The following PLEKHA5 variants were observed in gnomAD, a reference collection of about 807,000 sequenced individuals.
The protein encoded by PLEKHA5 is pleckstrin homology domain-containing family A member 5.
In PLEKHA5, 55 loss-of-function variants were observed where a neutral mutation model predicts 181.9. The observed-to-expected ratio is 0.30, with a 90% CI of 0.24 to 0.38. The LOEUF (loss-of-function observed/expected upper bound fraction) is 0.38, where lower values mean the gene tolerates loss of function less well. Among genes scored for constraint, PLEKHA5 ranks in the 10% least tolerant of loss-of-function variants. PLEKHA5 has a pLI of 1.00. For synonymous variants in PLEKHA5, 535 were observed against 529.4 expected (o/e 1.01, Z -0.15); for missense variants, 1,432 against 1,549.5 (o/e 0.92, Z 1.27).
intron 3 of PLEKHA5, among the ~76,000 whole-genome samples, chr12:19,252,454 T>C (rs937368578): frequency 6.6e-6 from 1 of 152,194 alleles, no homozygotes; most frequent in Non-Finnish European, 1.5e-5. Flanking sequence ...AATATATCAA[T>C]GTATATTGCA....
chr12:19,284,211 G>A (rs1188124003), intron 12 of PLEKHA5, among the ~76,000 whole-genome samples: 1 of 152,076 alleles, frequency 6.6e-6, no homozygotes, highest in Non-Finnish European at 1.5e-5. Flanking sequence ...TGGGATTACA[G>A]ACATGCGCCA....
chr12:19,292,595 C>T (rs184420649), intron 15 of PLEKHA5, among the ~76,000 whole-genome samples: 6 of 152,148 alleles, frequency 3.9e-5, no homozygotes, highest in Admixed American at 1.3e-4. Flanking sequence ...CCTAGCATTA[C>T]CTCAGTGGTG....
intron 3 of PLEKHA5, among the ~76,000 whole-genome samples, chr12:19,226,759 A>G (rs10841188): frequency 0.55 from 83,613 of 152,058 alleles, 26,985 homozygotes; most frequent in Non-Finnish European, 0.74. Context: ...TCATCTGAAC[A>G]TACTTTTTAA....
chr12:19,338,393 G>A (rs1469789265), intron 21 of PLEKHA5, among the ~76,000 whole-genome samples: 4 of 151,986 alleles, frequency 2.6e-5, no homozygotes, highest in African/African-American at 9.7e-5. Flanking sequence ...GCCGTGGTGG[G>A]AGGATCACTT....
chr12:19,280,514 T>C (rs1307377278), intron 11 of PLEKHA5, among the ~76,000 whole-genome samples: 1 of 152,124 alleles, frequency 6.6e-6, no homozygotes, highest in Non-Finnish European at 1.5e-5. Flanking sequence ...TAATTACCAA[T>C]ATCTCTGACA....
At chr12:19,253,064 C>CTTTTTTTTTTTTTTTTTTTG (rs2065796229) in intron 3 of PLEKHA5, among the ~76,000 whole-genome samples, 1 of 45,834 alleles carries the variant, frequency 2.2e-5, no homozygotes, top group Non-Finnish European at 4.6e-5. Context: ...ATCAACTTAC[C>CTTTTTTTTTTTTTTTTTTTG]TTTTTTTTTT....
chr12:19,205,289 C>A, intron 3 of PLEKHA5: 2 of 631,940 alleles, frequency 3.2e-6, no homozygotes, highest in Non-Finnish European at 3.9e-6. Flanking sequence ...TTGGAGACTG[C>A]GGTGTGGTTC....
intron 22 of PLEKHA5, among the ~76,000 whole-genome samples, chr12:19,344,780 A>C (rs2094194230): frequency 6.6e-6 from 1 of 152,096 alleles, no homozygotes; most frequent in African/African-American, 2.4e-5. Flanking sequence ...TGAAAACAAT[A>C]AGTGAATGAT....
At chr12:19,216,612 C>T (rs1430892392) in intron 3 of PLEKHA5, among the ~76,000 whole-genome samples, 1 of 149,896 alleles carries the variant, frequency 6.7e-6, no homozygotes, top group East Asian at 2.0e-4. Context: ...GCAGTGAGCC[C>T]AGATCACACC....
At chr12:19,367,319 G>T (rs1403936525) in intron 30 of PLEKHA5, among the ~76,000 whole-genome samples, 2 of 119,468 alleles carry the variant, frequency 1.7e-5, no homozygotes, top group Admixed American at 1.2e-4. Flanking sequence ...GATGTGGCGT[G>T]ATCTCAGCTC....
chr12:19,277,340 C>CA (rs1555142707), intron 11 of PLEKHA5, among the ~76,000 whole-genome samples: 3 of 152,238 alleles, frequency 2.0e-5, no homozygotes, highest in African/African-American at 7.2e-5. Flanking sequence ...AGAGAGTCAA[C>CA]AGATATCTGG....
At chr12:19,203,131 T>G (rs2054575147) in intron 3 of PLEKHA5, among the ~76,000 whole-genome samples, 2 of 152,066 alleles carry the variant, frequency 1.3e-5, no homozygotes, top group Admixed American at 1.3e-4. Context: ...TCAGAACACT[T>G]AAGTTGGATG....
chr12:19,188,242 C>A (rs1253172045), intron 3 of PLEKHA5, among the ~76,000 whole-genome samples: 1 of 152,162 alleles, frequency 6.6e-6, no homozygotes, highest in Non-Finnish European at 1.5e-5. Context: ...ACATTAAGGA[C>A]ATAAGGACTT....
intron 3 of PLEKHA5, chr12:19,150,812 T>G (rs1212855494): frequency 6.6e-6 from 1 of 152,238 alleles, no homozygotes; most frequent in Non-Finnish European, 1.5e-5. Context: ...AAAGGGTTTT[T>G]CTAGATTAAT....
chr12:19,182,416 GGTGTT>G (rs1289863110), intron 3 of PLEKHA5, among the ~76,000 whole-genome samples: 1 of 152,140 alleles, frequency 6.6e-6, no homozygotes, highest in Non-Finnish European at 1.5e-5. Flanking sequence ...TTCTTGCAAA[GGTGTT>G]GTATATGGGA....
intron 15 of PLEKHA5, chr12:19,307,630 G>A (rs1281633791): frequency 3.1e-6 from 1 of 326,500 alleles, no homozygotes. Context: ...AGCAGATCAA[G>A]AGAGTGATTA....
At chr12:19,372,696 A>G (rs1475287368) in intron 31 of PLEKHA5, 2 of 151,966 alleles carry the variant, frequency 1.3e-5, no homozygotes, top group African/African-American at 4.8e-5. Context: ...GAGAGTTACA[A>G]ATAACCTAAC....
chr12:19,166,468 C>T (rs142973304), intron 3 of PLEKHA5, among the ~76,000 whole-genome samples: 42 of 152,098 alleles, frequency 2.8e-4, no homozygotes, highest in African/African-American at 9.6e-4. Flanking sequence ...TTTTTGCGCC[C>T]GTACTCATCT....
chr12:19,358,651 G>T (rs1051121101), intron 27 of PLEKHA5, among the ~76,000 whole-genome samples: 1 of 152,100 alleles, frequency 6.6e-6, no homozygotes, highest in African/African-American at 2.4e-5. Flanking sequence ...TTGGATGCCC[G>T]TGGACTAGTT....
Sources: allele counts gnomAD v4.1 joint callset (sites outside exome capture counted in the v4.1 genomes callset), GRCh38; gene constraint gnomAD v4.1.1; transcripts MANE v1.5; gene names NCBI Gene and HGNC (gene_info 2026-07-23, HGNC 2026-07-21).